Variants in FNTB observed in about 807,000 individuals in gnomAD.
FNTB encodes protein farnesyltransferase subunit beta.
In FNTB, 27 loss-of-function variants were observed where a neutral mutation model predicts 59.4. The observed-to-expected ratio is 0.45, with a 90% CI of 0.34 to 0.63. The LOEUF (loss-of-function observed/expected upper bound fraction) is 0.63. FNTB is among the 20% of genes least tolerant of loss of function. The pLI is 0.02. For missense variants in FNTB, 449 were observed against 559.6 expected, an observed-to-expected ratio of 0.80 and a Z score of 1.99; for synonymous variants, 230 against 220.7, an observed-to-expected ratio of 1.04 and a Z score of -0.37.
In FNTB at chr14:64,994,854, A is replaced by C. The variant is rs961899069; in HGVS notation, c.144+7757A>C. Reference sequence around the variant, plus strand: ...AACACGGTATGCTTAAGCTACACTAAATTTATTCATACGCTTTTTTCTTTC... The same window carrying C: ...AACACGGTATGCTTAAGCTACACTACATTTATTCATACGCTTTTTTCTTTC... On this transcript the variant is annotated intron_variant, in intron 1 of 11. Transcript: ENST00000246166. This position sits in a 1 kb window ranked among gnomAD's most constrained non-coding sequence, Gnocchi z 4.2. 2.0e-5 allele frequency among the ~76,000 whole-genome samples: 3 copies of C among 152,190 alleles called. No individual in the cohort carries two copies. Among genetic ancestry groups the C allele is most frequent in the Non-Finnish European group, 4.4e-5 (3 of 68,030 alleles).
intron 7 of FNTB, among the ~76,000 whole-genome samples, chr14:65,039,940 A>G (rs1370891691): frequency 2.6e-5 from 4 of 152,194 alleles, no homozygotes; most frequent in African/African-American, 9.7e-5. Flanking sequence ...TGTCATCCCA[A>G]CGCTTTGGGA....
rs778200008 is a variant in FNTB at position 65,000,838 on chromosome 14, A to AAAAAAAAAAAAAAAAAAAAG, written c.145-3408_145-3407insAAAAAAAAAAAAAAAAGAAA. On this transcript the variant is annotated intron_variant, in intron 1 of 11. Transcript: ENST00000246166. ...CTCAAAAAAAAAAAAAAAAAAAAAAAAAAGAATAGTTACCCAAAAAGCTGG... is the reference window on the plus strand; with the variant it reads ...CTCAAAAAAAAAAAAAAAAAAAAAAAAAAAAAAAAAAAAAAAAAAGAAAGAATAGTTACCCAAAAAGCTGG... 3.0e-3 allele frequency among the ~76,000 whole-genome samples: 346 copies of AAAAAAAAAAAAAAAAAAAAG among 116,024 alleles called. 24 individuals carry two copies. Among genetic ancestry groups the AAAAAAAAAAAAAAAAAAAAG allele is most frequent in the Non-Finnish European group, 4.9e-3 (244 of 49,704 alleles). The allele number at this position is 116,024 out of a possible 152,430, so 76.1% of individuals were successfully genotyped here.
chr14:65,022,810 C>G lies in FNTB; in HGVS notation c.375-4643C>G, dbSNP rs568739465. Among the ~76,000 whole-genome samples, 6 of 152,092 alleles carry G rather than the reference C, an allele frequency of 3.9e-5. No homozygotes were observed. The South Asian group carries it at 1.0e-3, about 26-fold the overall frequency. ...TTTAACAAGCATTTTTATTGTTGTT[C>G]TTCACAACTCGTGGACCCTTATTAC... On this transcript the variant is annotated intron_variant, in intron 4 of 11. Coordinates refer to ENST00000246166, the MANE Select transcript of FNTB (RefSeq NM_002028.4).
rs555453280 is a variant in FNTB, at chr14:64,996,103, A to T, written c.145-8146A>T. Among the ~76,000 whole-genome samples the T allele has an allele frequency of 2.0e-5, 3 of 149,828 alleles. No homozygotes were observed. In the East Asian group the frequency reaches 5.8e-4, roughly 29 times the overall value. ...ATGCTATTGCACTCCAGCCTGCATGACAAGAGCAAAACTCTGTCTCAAAAA... is the reference window on the plus strand; with the variant it reads ...ATGCTATTGCACTCCAGCCTGCATGTCAAGAGCAAAACTCTGTCTCAAAAA... On this transcript the variant is annotated intron_variant, in intron 1 of 11. Transcript: ENST00000246166.
At chr14:65,059,262 A>G (rs1003603191) in intron 11 of FNTB, among the ~76,000 whole-genome samples, 1 of 151,688 alleles carries the variant, frequency 6.6e-6, no homozygotes, top group Non-Finnish European at 1.5e-5. Context: ...GCCTCAAGCT[A>G]TCCTACCTCA....
At chr14:65,048,448 C>T (rs1485546220) in intron 9 of FNTB, among the ~76,000 whole-genome samples, 2 of 152,148 alleles carry the variant, frequency 1.3e-5, no homozygotes, top group African/African-American at 2.4e-5. Flanking sequence ...TAGTGCAGCA[C>T]GTGGGTCTAG....
At chr14:65,046,845 G>A (rs2062492584) in intron 9 of FNTB, among the ~76,000 whole-genome samples, 1 of 101,914 alleles carries the variant, frequency 9.8e-6, no homozygotes, top group South Asian at 2.7e-4. Context: ...AGTTACAGGT[G>A]ATGTTTGCTT....
chr14:65,054,442 C>G lies in FNTB; in HGVS notation c.1068-133C>G. 1 of 878,788 alleles carries G rather than the reference C, an allele frequency of 1.1e-6. No individual in the cohort carries two copies. The highest frequency in any genetic ancestry group is 1.7e-5 in the South Asian group (1 of 60,466). 54.4% of individuals were successfully genotyped at this position (878,788 alleles called of 1,614,324 possible). ...CTTTAAATAACACTGCTGGGAAAAC[C>G]ATGCCTCCTCTAGCCACATGGAGGA... On this transcript the variant is annotated intron_variant, in intron 10 of 11. Coordinates refer to ENST00000246166, the MANE Select transcript of FNTB (RefSeq NM_002028.4). The surrounding 1 kb of genome is among the most constrained non-coding windows in gnomAD (Gnocchi z 4.4).
chr14:65,039,763 C>T (rs1452477864), intron 7 of FNTB, among the ~76,000 whole-genome samples: 1 of 152,130 alleles, frequency 6.6e-6, no homozygotes, highest in East Asian at 1.9e-4. Context: ...TTTAAGAAGC[C>T]ATCACCACCT....
At chr14:65,038,770 T>G (rs1001700127) in intron 7 of FNTB, among the ~76,000 whole-genome samples, 1 of 152,198 alleles carries the variant, frequency 6.6e-6, no homozygotes, top group Non-Finnish European at 1.5e-5. Context: ...CGTTTCCATC[T>G]CTTAATCCTT....
At chr14:65,002,803 G>A (rs2061536983) in intron 1 of FNTB, among the ~76,000 whole-genome samples, 2 of 152,180 alleles carry the variant, frequency 1.3e-5, no homozygotes, top group South Asian at 4.2e-4. Flanking sequence ...ATTGAAAAGT[G>A]TAGGGTGAAG....
chr14:65,061,531 C>CT lies in FNTB; in HGVS notation c.*220dup. ...TTTCCACACCTGTCAAACCAAAAAT[C>CT]TATCAGCCCACGTGGTGTGGTTGGT... On this transcript the variant is annotated 3_prime_UTR_variant, in exon 12 of 12. Coordinates refer to ENST00000246166, the MANE Select transcript of FNTB (RefSeq NM_002028.4). 2 of 687,958 alleles carry CT rather than the reference C, an allele frequency of 2.9e-6. No homozygotes were observed. Among genetic ancestry groups the CT allele is most frequent in the Non-Finnish European group, 4.5e-6 (2 of 443,086 alleles). 42.6% of individuals were successfully genotyped at this position (687,958 alleles called of 1,614,324 possible).
In FNTB at chr14:65,061,373, G is replaced by A. The variant is rs1392535542; in HGVS notation, c.*61G>A. Reference sequence around the variant, plus strand: ...CTCCCCAGTCAGACAAGGTTTATACGTTTCAATACATACTGCATTCTGTGC... The same window carrying A: ...CTCCCCAGTCAGACAAGGTTTATACATTTCAATACATACTGCATTCTGTGC... On this transcript the variant is annotated 3_prime_UTR_variant, in exon 12 of 12. Coordinates refer to ENST00000246166, the MANE Select transcript of FNTB (RefSeq NM_002028.4). 2.4e-5 allele frequency: 39 copies of A among 1,605,904 alleles called. No individual in the cohort carries two copies. Among genetic ancestry groups the A allele is most frequent in the South Asian group, 1.9e-4 (17 of 90,260 alleles).
chr14:65,025,794 C>T (rs1048536238), intron 4 of FNTB, among the ~76,000 whole-genome samples: 14 of 152,050 alleles, frequency 9.2e-5, no homozygotes, highest in South Asian at 2.1e-4. Context: ...GCAGCCTGGC[C>T]GACAGAGTAA....
At chr14:65,005,718 C>T (rs957026699) in intron 2 of FNTB, among the ~76,000 whole-genome samples, 1 of 152,104 alleles carries the variant, frequency 6.6e-6, no homozygotes, top group African/African-American at 2.4e-5. Flanking sequence ...TAGCCCACAG[C>T]AGCCTTGAAT....
rs2062023795 is a variant in FNTB, at chr14:65,028,515, G to A, written c.605+734G>A. ...ATAGCAAAGCTGTCTTACTGCCTAT[G>A]TGTAAATGGGTTTGCTTCTACACAA... On this transcript the variant is annotated intron_variant, in intron 6 of 11. Transcript: ENST00000246166. The surrounding 1 kb of genome is among the most constrained non-coding windows in gnomAD (Gnocchi z 4.4). Among the ~76,000 whole-genome samples the A allele has an allele frequency of 6.6e-6, 1 of 152,220 alleles. No individual in the cohort carries two copies. Among genetic ancestry groups the A allele is most frequent in the Non-Finnish European group, 1.5e-5 (1 of 68,048 alleles).
At chr14:65,039,374 C>T (rs187096413) in intron 7 of FNTB, among the ~76,000 whole-genome samples, 35 of 152,302 alleles carry the variant, frequency 2.3e-4, no homozygotes, top group Admixed American at 1.0e-3. Flanking sequence ...CTCCTCTTAG[C>T]TTGTTGGATA....
intron 2 of FNTB, among the ~76,000 whole-genome samples, chr14:65,008,292 G>A (rs3783721): frequency 1.3e-5 from 2 of 151,994 alleles, no homozygotes; most frequent in Admixed American, 1.3e-4. Flanking sequence ...GCCCAGGTTT[G>A]GGGGGAGGAA....
chr14:65,027,418 C>A lies in FNTB; in HGVS notation c.375-35C>A, dbSNP rs771590755. On this transcript the variant is annotated intron_variant, in intron 4 of 11. Transcript: ENST00000246166. The surrounding 1 kb of genome is among the most constrained non-coding windows in gnomAD (Gnocchi z 5.7). ...TTTGGTGTTTTGACATGAATGCTCT[C>A]TGACTTTGTTTTTGCCCTTTGGCTG... 1 of 1,611,478 alleles carries A rather than the reference C, an allele frequency of 6.2e-7. No individual in the cohort carries two copies. The highest frequency in any genetic ancestry group is 1.1e-5 in the South Asian group (1 of 90,702).
Sources: allele counts gnomAD v4.1 joint callset (sites outside exome capture counted in the v4.1 genomes callset), GRCh38; gene constraint gnomAD v4.1.1; non-coding constraint Gnocchi (gnomAD v3.1); transcripts MANE v1.5; gene names NCBI Gene and HGNC (gene_info 2026-07-23, HGNC 2026-07-21).